SGK1: variants seen among roughly 807,000 people sequenced by gnomAD.
SGK1 encodes serum/glucocorticoid regulated kinase 1, also known as serine/threonine-protein kinase Sgk1.
A neutral mutation model predicts 64.2 loss-of-function variants in SGK1; 26 were observed. That is an observed-to-expected ratio of 0.40 (90% CI 0.30 to 0.56). The LOEUF is 0.56. Ranked by LOEUF, SGK1 falls within the 20% of genes least tolerant of loss-of-function variation. The pLI is 0.38. For synonymous variants in SGK1, 265 were observed against 239.7 expected, an observed-to-expected ratio of 1.11 and a Z score of -0.98; for missense variants, 519 against 645.6, an observed-to-expected ratio of 0.80 and a Z score of 2.12.
At chr6:134,202,337 T>G (rs1229097639) in intron 3 of SGK1, among the ~76,000 whole-genome samples, 1 of 152,214 alleles carries the variant, frequency 6.6e-6, no homozygotes, top group Non-Finnish European at 1.5e-5. Context: ...GATATTTCAC[T>G]GCCAGAAGAC....
chr6:134,174,760 C>A (rs765862379), intron 3 of SGK1, 174 bp from the exon 4 acceptor site: 1 of 1,614,102 alleles, frequency 6.2e-7, no homozygotes, highest in Non-Finnish European at 8.5e-7. Flanking sequence ...TGCCCCTCAT[C>A]CTGGAGTAAG....
At position 134,262,147 on chromosome 6, in the gene SGK1, A is replaced by G; in HGVS notation, c.71T>C (p.Val24Ala). The G allele has an allele frequency of 1.3e-6, 2 of 1,570,322 alleles. No homozygotes were observed. Among genetic ancestry groups the G allele is most frequent in the Non-Finnish European group, 1.7e-6 (2 of 1,153,930 alleles). Residue 24 changes from valine to alanine, a missense_variant and splice_region_variant, in exon 2 of 14, where the codon GTA becomes GCA. Val to Ala is a moderately conservative substitution (Grantham distance 64). Coordinates refer to ENST00000367858, the MANE Select transcript of SGK1 (RefSeq NM_001143676.3). ...CATTGGGCTCTTGATCCACCTTCGT[A>G]CCTGCAATGTGCAAAAGGAAAGAAA... is the stretch of plus-strand genomic sequence containing the variant. ...CSAFQFFKKRVRRWIKSPMVS... is the reference protein window; with the variant it reads ...CSAFQFFKKRARRWIKSPMVS...
At chr6:134,228,780 C>T (rs1386130760) in intron 2 of SGK1, among the ~76,000 whole-genome samples, 1 of 151,992 alleles carries the variant, frequency 6.6e-6, no homozygotes, top group South Asian at 2.1e-4. Flanking sequence ...CCCAAGATCC[C>T]CCATGGAGAA....
Position 134,269,415 on chromosome 6 carries a change from G to T in SGK1, c.70-7267C>A, listed in dbSNP as rs1175978452. ...GATTATAAAAAGGGAGGCCAGGTGAGGTGGAGGCCGAGGCAGGTGGATCAT... is the reference window on the plus strand; with the variant it reads ...GATTATAAAAAGGGAGGCCAGGTGATGTGGAGGCCGAGGCAGGTGGATCAT... On this transcript the variant is annotated intron_variant, in intron 1 of 13. Coordinates refer to ENST00000367858, the MANE Select transcript of SGK1 (RefSeq NM_001143676.3). 2.7e-5 allele frequency among the ~76,000 whole-genome samples: 4 copies of T among 147,506 alleles called. 1 individual carries two copies. The highest frequency in any genetic ancestry group is 7.3e-5 in the African/African-American group (3 of 41,022).
At chr6:134,263,189 T>C (rs1033955276) in intron 1 of SGK1, among the ~76,000 whole-genome samples, 8 of 152,212 alleles carry the variant, frequency 5.3e-5, no homozygotes, top group African/African-American at 1.7e-4. Context: ...GGGAAAATAC[T>C]AATCTCATAG....
At chr6:134,279,606 C>T (rs959395646) in intron 1 of SGK1, among the ~76,000 whole-genome samples, 3 of 151,872 alleles carry the variant, frequency 2.0e-5, no homozygotes, top group Non-Finnish European at 2.9e-5. Context: ...AGTATATAAC[C>T]CAAAATGCAT....
At chr6:134,215,701 C>G (rs894517821) in intron 2 of SGK1, among the ~76,000 whole-genome samples, 1 of 151,730 alleles carries the variant, frequency 6.6e-6, no homozygotes, top group Non-Finnish European at 1.5e-5. Flanking sequence ...GCCAAAATGG[C>G]AAAACCCCGT....
intron 2 of SGK1, among the ~76,000 whole-genome samples, chr6:134,231,388 G>GT (rs1414265487): frequency 4.6e-5 from 7 of 152,202 alleles, no homozygotes; most frequent in African/African-American, 1.4e-4. Context: ...AGAATATGCA[G>GT]TGTGAAAATA....
At chr6:134,206,369 ATATATATATATATAT>A (rs1400482935) in intron 3 of SGK1, among the ~76,000 whole-genome samples, 9 of 7,488 alleles carry the variant, frequency 1.2e-3, no homozygotes, top group Admixed American at 2.8e-3. Flanking sequence ...ATATATATAT[ATATATATATATATAT>A]TTTTTTTTTT....
intron 2 of SGK1, among the ~76,000 whole-genome samples, chr6:134,232,941 C>T (rs556559987): frequency 1.8e-4 from 27 of 151,678 alleles, no homozygotes; most frequent in African/African-American, 5.3e-4. Flanking sequence ...AGTGGGAGTA[C>T]GGATGCTCTT....
chr6:134,260,398 G>T (rs1297245672), intron 2 of SGK1: 14 of 130,854 alleles, frequency 1.1e-4, no homozygotes, highest in Admixed American at 5.5e-4. Context: ...AAGGGCCGGC[G>T]TAGTGGCTCA....
At chr6:134,191,429 G>A (rs1282890197) in intron 3 of SGK1, among the ~76,000 whole-genome samples, 8 of 152,066 alleles carry the variant, frequency 5.3e-5, no homozygotes, top group Admixed American at 5.2e-4. Context: ...AGCATCAATC[G>A]TTAAAGTTCT....
intron 3 of SGK1, among the ~76,000 whole-genome samples, chr6:134,203,636 T>C (rs1053278564): frequency 7.2e-5 from 11 of 152,166 alleles, no homozygotes; most frequent in Admixed American, 4.6e-4. Context: ...ATGTGAAAAG[T>C]AGGCTTTAGA....
rs113667538 is a variant in SGK1, at chr6:134,173,570, G to GA, written c.514-5dup. The GA allele has an allele frequency of 0.12, 128,940 of 1,087,204 alleles. 72 individuals are homozygous for GA. The highest frequency in any genetic ancestry group is 0.18 in the East Asian group (5,846 of 31,686). 67.3% of individuals were successfully genotyped at this position (1,087,204 alleles called of 1,614,324 possible). A position where few individuals can be genotyped will look rare whatever the true frequency, so the allele number is the denominator to read the frequency against. On this transcript the variant is annotated splice_region_variant and splice_polypyrimidine_tract_variant and intron_variant, in intron 5 of 13. Transcript: ENST00000367858. ...TGATTTGCTGAGAAGGACTTGGCTA[G>GA]AAAAAAAAAAAAAGAATTTCTTTTA...
chr6:134,254,898 TG>T (rs1776657641), intron 2 of SGK1, among the ~76,000 whole-genome samples: 1 of 152,202 alleles, frequency 6.6e-6, no homozygotes, highest in African/African-American at 2.4e-5. Flanking sequence ...GACAGAGTTT[TG>T]CTCTTGTTGC....
intron 1 of SGK1, among the ~76,000 whole-genome samples, chr6:134,274,671 A>G (rs1216850569): frequency 6.6e-6 from 1 of 152,040 alleles, no homozygotes. Flanking sequence ...AAATCTGAAA[A>G]AAAAAAAAAA....
At chr6:134,195,816 T>C (rs961769689) in intron 3 of SGK1, among the ~76,000 whole-genome samples, 1 of 152,170 alleles carries the variant, frequency 6.6e-6, no homozygotes, top group Non-Finnish European at 1.5e-5. Flanking sequence ...CTCCAGATAA[T>C]GGAATACAGC....
At position 134,232,413 on chromosome 6, in the gene SGK1, G is replaced by GAAAAGAAAGAGAGAGAGAAAGAA. The variant is rs79009962; in HGVS notation, c.286-24983_286-24982insTTCTTTCTCTCTCTCTTTCTTTT. ...AAAAGAAAGAAGAAAAAGAAAGAAA[G>GAAAAGAAAGAGAGAGAGAAAGAA]AGAAAGAAAGAAAGAAAGAAAGAAA... On this transcript the variant is annotated intron_variant, in intron 2 of 13. Coordinates refer to ENST00000367858, the MANE Select transcript of SGK1 (RefSeq NM_001143676.3). Among the ~76,000 whole-genome samples, 8 of 47,706 alleles carry GAAAAGAAAGAGAGAGAGAAAGAA rather than the reference G, an allele frequency of 1.7e-4. 1 individual carries two copies. Among genetic ancestry groups the GAAAAGAAAGAGAGAGAGAAAGAA allele is most frequent in the African/African-American group, 2.4e-4 (3 of 12,566 alleles). The allele number at this position is 47,706 out of a possible 152,430, so 31.3% of individuals were successfully genotyped here.
chr6:134,258,564 G>C (rs1776718109), intron 2 of SGK1, among the ~76,000 whole-genome samples: 1 of 152,112 alleles, frequency 6.6e-6, no homozygotes, highest in South Asian at 2.1e-4. Flanking sequence ...AATTCGCCAG[G>C]CGTGGTGGCG....
Sources: allele counts gnomAD v4.1 joint callset (sites outside exome capture counted in the v4.1 genomes callset), GRCh38; gene constraint gnomAD v4.1.1; transcripts MANE v1.5; gene names NCBI Gene and HGNC (gene_info 2026-07-23, HGNC 2026-07-21).